PVT1: variants seen among roughly 807,000 people sequenced by gnomAD.
The protein encoded by PVT1 is Pvt1 oncogene.
intron 3 of PVT1, among the ~76,000 whole-genome samples, chr8:127,914,010 G>A (rs187521415): frequency 5.3e-4 from 80 of 152,142 alleles, no homozygotes; most frequent in African/African-American, 1.8e-3. Context: ...GAATAGGCTT[G>A]AGGCAGCATA....
intron 3 of PVT1, among the ~76,000 whole-genome samples, chr8:127,914,260 CA>C (rs60359946): frequency 1.0e-4 from 5 of 47,860 alleles, no homozygotes; most frequent in African/African-American, 1.7e-4. Context: ...CCACCAACAG[CA>C]AAAAAAAAAA....
At chr8:127,931,325 C>T (rs1586441799) in intron 3 of PVT1, among the ~76,000 whole-genome samples, 1 of 152,292 alleles carries the variant, frequency 6.6e-6, no homozygotes, top group East Asian at 1.9e-4. Context: ...ATCTCTTTTG[C>T]CCAGCCACCA....
chr8:127,836,322 C>T (rs761689162), intron 2 of PVT1, among the ~76,000 whole-genome samples: 17 of 151,916 alleles, frequency 1.1e-4, no homozygotes, highest in African/African-American at 2.4e-4. Context: ...TTTTACATTC[C>T]GAGGTACATG....
chr8:128,092,879 A>G (rs1394867167), intron 5 of PVT1, among the ~76,000 whole-genome samples: 3 of 152,086 alleles, frequency 2.0e-5, no homozygotes, highest in South Asian at 2.1e-4. Flanking sequence ...CCTGCCATCT[A>G]TTCAGTCTTC....
At chr8:127,926,330 C>A (rs942042156) in intron 3 of PVT1, among the ~76,000 whole-genome samples, 2 of 152,208 alleles carry the variant, frequency 1.3e-5, no homozygotes, top group African/African-American at 4.8e-5. Flanking sequence ...TGTTGAAGGG[C>A]TGCCCCAGGT....
At chr8:128,072,225 TGAA>T (rs1383038685) in intron 5 of PVT1, among the ~76,000 whole-genome samples, 1 of 152,148 alleles carries the variant, frequency 6.6e-6, no homozygotes, top group Admixed American at 6.5e-5. Context: ...AATTTTCAGG[TGAA>T]GACTCGGTGA....
chr8:127,804,690 G>A (rs972695552), intron 2 of PVT1, among the ~76,000 whole-genome samples: 6 of 150,346 alleles, frequency 4.0e-5, no homozygotes, highest in Admixed American at 1.3e-4. Context: ...CACCGTGCCC[G>A]GCTAAATTTT....
chr8:127,976,660 C>G (rs1816825746), intron 3 of PVT1, among the ~76,000 whole-genome samples: 1 of 152,166 alleles, frequency 6.6e-6, no homozygotes, highest in African/African-American at 2.4e-5. Context: ...GGGCTTGGCA[C>G]AGGTCATGTT....
intron 5 of PVT1, among the ~76,000 whole-genome samples, chr8:128,074,491 C>G (rs1586508546): frequency 6.7e-6 from 1 of 149,646 alleles, no homozygotes; most frequent in Admixed American, 6.6e-5. Context: ...CCACAGCACT[C>G]CAGCCTGAGT....
intron 2 of PVT1, among the ~76,000 whole-genome samples, chr8:127,882,456 A>G (rs1815478873): frequency 6.6e-6 from 1 of 151,908 alleles, no homozygotes; most frequent in Non-Finnish European, 1.5e-5. Context: ...TAAAGGAGAC[A>G]TCGTCTTTTT....
chr8:128,044,145 A>G (rs1813583843), intron 4 of PVT1, among the ~76,000 whole-genome samples: 1 of 151,228 alleles, frequency 6.6e-6, no homozygotes, highest in African/African-American at 2.4e-5. Context: ...CACCGCACCT[A>G]GCCCCAAACA....
chr8:127,926,315 G>T (rs1266329532), intron 3 of PVT1, among the ~76,000 whole-genome samples: 6 of 152,170 alleles, frequency 3.9e-5, no homozygotes, highest in African/African-American at 1.4e-4. Context: ...AATTGTAGTG[G>T]TTGTTGTTGA....
chr8:127,904,735 G>C (rs1815799905), intron 3 of PVT1, among the ~76,000 whole-genome samples: 1 of 152,218 alleles, frequency 6.6e-6, no homozygotes, highest in Admixed American at 6.5e-5. Context: ...TGAGGCCGGT[G>C]ATGGGGAGCA....
At chr8:128,020,562 A>G (rs917724475) in intron 4 of PVT1, among the ~76,000 whole-genome samples, 2 of 152,318 alleles carry the variant, frequency 1.3e-5, no homozygotes, top group African/African-American at 2.4e-5. Context: ...CTACAGCTGC[A>G]GGGAACTGAA....
intron 4 of PVT1, among the ~76,000 whole-genome samples, chr8:128,004,969 C>T (rs539985914): frequency 1.3e-5 from 2 of 152,158 alleles, no homozygotes; most frequent in Admixed American, 6.5e-5. Context: ...GGAGAAACCC[C>T]GTCTCTACTA....
At chr8:128,015,249 C>A (rs1817360018) in intron 4 of PVT1, among the ~76,000 whole-genome samples, 1 of 151,904 alleles carries the variant, frequency 6.6e-6, no homozygotes, top group East Asian at 1.9e-4. Flanking sequence ...ACCAACACAT[C>A]AGGCTACTTT....
intron 2 of PVT1, among the ~76,000 whole-genome samples, chr8:127,818,010 G>T (rs1002006454): frequency 2.0e-5 from 3 of 152,186 alleles, no homozygotes; most frequent in Non-Finnish European, 2.9e-5. Flanking sequence ...CAGAACTGAT[G>T]CCCAGGAGAG....
At chr8:127,933,868 T>G (rs907712404) in intron 3 of PVT1, among the ~76,000 whole-genome samples, 3 of 152,216 alleles carry the variant, frequency 2.0e-5, no homozygotes, top group Non-Finnish European at 2.9e-5. Context: ...CATCCTGGGT[T>G]CTTCATCCAT....
Position 127,847,116 on chromosome 8 carries a change from C to A in PVT1, n.373-43473C>A, listed in dbSNP as rs577379325. Among the ~76,000 whole-genome samples, 27 of 151,320 alleles carry A rather than the reference C, an allele frequency of 1.8e-4. No individual in the cohort carries two copies. The South Asian group carries it at 4.6e-3, about 26-fold the overall frequency. On this transcript the variant is annotated intron_variant and non_coding_transcript_variant, in intron 2 of 10. Coordinates refer to ENST00000651587, the Ensembl canonical transcript of PVT1. Reference sequence around the variant, plus strand: ...TTCCCAGGTTCAAGCAATTCTCCTGCCTCAGCCTCTGGAGTGGCTAGGATT... The same window carrying A: ...TTCCCAGGTTCAAGCAATTCTCCTGACTCAGCCTCTGGAGTGGCTAGGATT...
Sources: gnomAD v4.1 joint callset for allele counts (sites outside exome capture counted in the v4.1 genomes callset) on GRCh38, gnomAD v4.1.1 for gene constraint, MANE v1.5 for transcripts, NCBI Gene and HGNC (gene_info 2026-07-23, HGNC 2026-07-21) for gene names.